IQGAP2: variants seen among roughly 807,000 people sequenced by gnomAD.
The protein encoded by IQGAP2 is IQ motif containing GTPase activating protein 2, also known as ras GTPase-activating-like protein IQGAP2.
IQGAP2 carries 173 observed loss-of-function variants against 201.3 expected under a neutral mutation model. The ratio of observed to expected loss-of-function variants is 0.86; its 90% confidence interval spans 0.76 to 0.98. The LOEUF (loss-of-function observed/expected upper bound fraction) is 0.98. IQGAP2 is among the 50% of genes least tolerant of loss of function. The probability of loss-of-function intolerance (pLI) is 0.00; values close to 1 mark genes in which losing one functional copy is unlikely to be tolerated. For synonymous variants in IQGAP2, 675 were observed against 673.9 expected, an observed-to-expected ratio of 1.00 and a Z score of -0.03; for missense variants, 1,687 against 1,864.8, an observed-to-expected ratio of 0.90 and a Z score of 1.76.
chr5:76,534,563 A>G (rs1759510853), intron 2 of IQGAP2, among the ~76,000 whole-genome samples: 1 of 152,184 alleles, frequency 6.6e-6, no homozygotes. Context: ...AGAACATGAG[A>G]TATTCTTTTT....
At chr5:76,537,118 A>T (rs1443290215) in intron 2 of IQGAP2, among the ~76,000 whole-genome samples, 1 of 152,238 alleles carries the variant, frequency 6.6e-6, no homozygotes, top group African/African-American at 2.4e-5. Flanking sequence ...TAGAAAAAAG[A>T]TCTTATGCTT....
chr5:76,498,511 G>A (rs969743521), intron 2 of IQGAP2, among the ~76,000 whole-genome samples: 7 of 152,092 alleles, frequency 4.6e-5, no homozygotes, highest in Non-Finnish European at 7.4e-5. Flanking sequence ...GCAGGGAGTC[G>A]GTTTGCATCT....
At chr5:76,494,792 A>G (rs1475840161) in intron 2 of IQGAP2, among the ~76,000 whole-genome samples, 1 of 152,076 alleles carries the variant, frequency 6.6e-6, no homozygotes, top group African/African-American at 2.4e-5. Context: ...CCTCCTCCCC[A>G]TTAAAGAAAG....
intron 2 of IQGAP2, among the ~76,000 whole-genome samples, chr5:76,492,398 A>G (rs1756609249): frequency 6.6e-6 from 1 of 152,216 alleles, no homozygotes; most frequent in African/African-American, 2.4e-5. Context: ...GAAAGGTAGC[A>G]CTGGGATATT....
At chr5:76,560,178 AG>A (rs1744261965) in intron 2 of IQGAP2, among the ~76,000 whole-genome samples, 2 of 152,188 alleles carry the variant, frequency 1.3e-5, no homozygotes, top group Non-Finnish European at 2.9e-5. Flanking sequence ...TTAGAGACAG[AG>A]TCTTGCACTG....
At chr5:76,655,061 A>T (rs376787496) in intron 20 of IQGAP2, 58 bp downstream of exon 20, 1 of 1,126,266 alleles carries the variant, frequency 8.9e-7, no homozygotes. Context: ...GCAAGGACAT[A>T]TTGGTCCATA....
At chr5:76,473,787 G>A (rs1242651381) in intron 2 of IQGAP2, among the ~76,000 whole-genome samples, 1 of 152,134 alleles carries the variant, frequency 6.6e-6, no homozygotes, top group Non-Finnish European at 1.5e-5. Context: ...CCACTATTAT[G>A]ACTGGTTTCA....
intron 2 of IQGAP2, among the ~76,000 whole-genome samples, chr5:76,492,773 G>T (rs543678182): frequency 1.2e-4 from 19 of 152,144 alleles, no homozygotes; most frequent in Non-Finnish European, 2.6e-4. Context: ...GACACAGTCC[G>T]CTCTTCACTC....
intron 1 of IQGAP2, among the ~76,000 whole-genome samples, chr5:76,452,192 G>A (rs915542907): frequency 1.4e-5 from 2 of 147,286 alleles, no homozygotes; most frequent in African/African-American, 4.9e-5. Context: ...TGGGATTATA[G>A]GCGTGAGCCA....
chr5:76,491,894 C>G (rs934617218), intron 2 of IQGAP2, among the ~76,000 whole-genome samples: 1 of 152,106 alleles, frequency 6.6e-6, no homozygotes, highest in Non-Finnish European at 1.5e-5. Flanking sequence ...AGAAGTTCTC[C>G]CTGGCATTTG....
chr5:76,656,508 TA>T (rs1291378080), intron 20 of IQGAP2, among the ~76,000 whole-genome samples: 1 of 152,016 alleles, frequency 6.6e-6, no homozygotes, highest in African/African-American at 2.4e-5. Context: ...TAAAGAAGGC[TA>T]AAGAGGATTT....
intron 1 of IQGAP2, among the ~76,000 whole-genome samples, chr5:76,457,337 A>G (rs1034910917): frequency 3.3e-5 from 5 of 152,166 alleles, no homozygotes; most frequent in Admixed American, 3.3e-4. Flanking sequence ...AACACCCTAA[A>G]TAATACCCTA....
At chr5:76,639,429 C>T (rs1718028334) in intron 16 of IQGAP2, among the ~76,000 whole-genome samples, 1 of 152,114 alleles carries the variant, frequency 6.6e-6, no homozygotes, top group Non-Finnish European at 1.5e-5. Flanking sequence ...TACATAGGTA[C>T]TTTAAAAAGT....
At chr5:76,511,659 G>T (rs998490662) in intron 2 of IQGAP2, among the ~76,000 whole-genome samples, 1 of 150,454 alleles carries the variant, frequency 6.6e-6, no homozygotes, top group African/African-American at 2.5e-5. Flanking sequence ...TTTCTTAAAT[G>T]AGTTTTTTTT....
chr5:76,694,212 C>G (rs565069433), intron 31 of IQGAP2, among the ~76,000 whole-genome samples: 15 of 151,830 alleles, frequency 9.9e-5, no homozygotes, highest in African/African-American at 2.9e-4. Flanking sequence ...GTGTGTAGAT[C>G]ACTTGAGCCC....
chr5:76,695,690 T>C, intron 32 of IQGAP2, 24 bp downstream of exon 32: 1 of 1,581,286 alleles, frequency 6.3e-7, no homozygotes. Context: ...GTATTCTTTC[T>C]TCCTTCACTT....
At chr5:76,695,778 G>A (rs1157069147) in intron 32 of IQGAP2, 112 bp downstream of exon 32, 2 of 741,054 alleles carry the variant, frequency 2.7e-6, no homozygotes, top group East Asian at 5.6e-5. Context: ...TGCATATGCT[G>A]TGGTTACTGC....
intron 2 of IQGAP2, among the ~76,000 whole-genome samples, chr5:76,500,967 A>G (rs11743558): frequency 6.6e-6 from 1 of 152,140 alleles, no homozygotes; most frequent in Non-Finnish European, 1.5e-5. Flanking sequence ...TTAGAGTCCA[A>G]GTCTGTGTTT....
intron 2 of IQGAP2, among the ~76,000 whole-genome samples, chr5:76,529,911 T>G (rs2150205673): frequency 6.6e-6 from 1 of 152,286 alleles, no homozygotes; most frequent in African/African-American, 2.4e-5. Context: ...GATGGACTGA[T>G]GTAGAACAGT....
Sources: allele counts gnomAD v4.1 joint callset (sites outside exome capture counted in the v4.1 genomes callset), GRCh38; gene constraint gnomAD v4.1.1; transcripts MANE v1.5; gene names NCBI Gene and HGNC (gene_info 2026-07-23, HGNC 2026-07-21).